Variants in PCDH15 observed in about 807,000 individuals in gnomAD.
The protein encoded by PCDH15 is protocadherin-15.
Under a neutral mutation model 178.5 loss-of-function variants are expected in PCDH15, and 129 were observed. That is an observed-to-expected ratio of 0.72 (90% confidence interval 0.63 to 0.84). The LOEUF (loss-of-function observed/expected upper bound fraction) is 0.84, where lower values mean the gene tolerates loss of function less well. Ranked by LOEUF, PCDH15 falls within the 40% of genes least tolerant of loss-of-function variation. The pLI is 0.00. For synonymous variants in PCDH15, 800 were observed against 732.0 expected (o/e 1.09, Z -1.50); for missense variants, 2,230 against 2,099.9 (o/e 1.06, Z -1.21).
At chr10:55,418,456 A>G (rs1471703577) in intron 2 of PCDH15, among the ~76,000 whole-genome samples, 2 of 151,772 alleles carry the variant, frequency 1.3e-5, no homozygotes, top group East Asian at 1.9e-4. Flanking sequence ...GGACAAAATT[A>G]TACTCTAAAA....
chr10:55,196,761 C>T (rs533434452), intron 1 of PCDH15, among the ~76,000 whole-genome samples: 3 of 152,068 alleles, frequency 2.0e-5, no homozygotes, highest in East Asian at 1.9e-4. Flanking sequence ...ATTTTCCATA[C>T]GGACGAGTTT....
chr10:55,342,100 T>C (rs1844617392), intron 2 of PCDH15, among the ~76,000 whole-genome samples: 1 of 151,514 alleles, frequency 6.6e-6, no homozygotes, highest in African/African-American at 2.4e-5. Context: ...ATGTATATTG[T>C]TAATGGCAAA....
rs1005386206 is a variant in PCDH15 at position 55,281,110 on chromosome 10, T to C, written c.-156+38489A>G. 5.9e-5 allele frequency among the ~76,000 whole-genome samples: 9 copies of C among 152,304 alleles called. 1 individual carries two copies. Among genetic ancestry groups the C allele is most frequent in the South Asian group, 4.1e-4 (2 of 4,828 alleles). On this transcript the variant is annotated intron_variant, in intron 1 of 5. Transcript: ENST00000458638. ...GCCAATAAATGTGTAAAAAATATTATTTTCCCCCTTATGTTTGTTTTCTGT... is the reference window on the plus strand; with the variant it reads ...GCCAATAAATGTGTAAAAAATATTACTTTCCCCCTTATGTTTGTTTTCTGT...
In PCDH15 at chr10:54,752,484, AAAAAAAACAAAAAACAAAAAAC is replaced by A. The variant is rs1946405740; in HGVS notation, c.-29+48419_-29+48440del. On this transcript the variant is annotated intron_variant, in intron 1 of 37. Coordinates refer to ENST00000644397, the MANE Select transcript of PCDH15 (RefSeq NM_001384140.1). ...AGAACGAGACTCCGTCTCAAAAAAA[AAAAAAAACAAAAAACAAAAAAC>A]AAAAAACAAACAAACAAACAAACAA... is the stretch of plus-strand genomic sequence containing the variant. Among the ~76,000 whole-genome samples the A allele has an allele frequency of 2.0e-5, 2 of 99,018 alleles. 1 individual carries two copies. The highest frequency in any genetic ancestry group is 6.2e-4 in the South Asian group (2 of 3,206). The allele number at this position is 99,018 out of a possible 152,430, so 65.0% of individuals were successfully genotyped here.
intron 2 of PCDH15, among the ~76,000 whole-genome samples, chr10:55,441,483 T>G (rs1416444088): frequency 1.3e-5 from 2 of 149,526 alleles, no homozygotes; most frequent in African/African-American, 2.5e-5. Flanking sequence ...AGTCACTTTT[T>G]CTAAGAAAAT....
At chr10:55,191,850 C>T (rs185300429) in intron 1 of PCDH15, among the ~76,000 whole-genome samples, 68 of 151,890 alleles carry the variant, frequency 4.5e-4, no homozygotes, top group South Asian at 3.5e-3. Context: ...GAGATTCATA[C>T]GGCACTTTTT....
At chr10:55,199,416 G>A (rs2132156659) in intron 1 of PCDH15, among the ~76,000 whole-genome samples, 1 of 152,090 alleles carries the variant, frequency 6.6e-6, no homozygotes, top group South Asian at 2.1e-4. Flanking sequence ...TCAATATGTG[G>A]CCTGGTTGCT....
At chr10:55,024,094 A>G (rs1334946037) in intron 2 of PCDH15, among the ~76,000 whole-genome samples, 1 of 143,786 alleles carries the variant, frequency 7.0e-6, no homozygotes, top group Non-Finnish European at 1.5e-5. Context: ...TATATATAGG[A>G]AGGAATATAC....
rs551046315 is a variant in PCDH15 at position 54,052,310 on chromosome 10, A to C, written c.2220+14447T>G. ...GCACTCAATGGCAGCCCATGAAAGC[A>C]GTTAGGAGGGGGGCTGTACCCGCCA... is the stretch of plus-strand genomic sequence containing the variant. On this transcript the variant is annotated intron_variant, in intron 18 of 37. Coordinates refer to ENST00000644397, the MANE Select transcript of PCDH15 (RefSeq NM_001384140.1). Among the ~76,000 whole-genome samples the C allele has an allele frequency of 2.4e-3, 363 of 152,292 alleles. 2 individuals carry two copies. The highest frequency in any genetic ancestry group is 8.5e-3 in the African/African-American group (354 of 41,570).
intron 2 of PCDH15, among the ~76,000 whole-genome samples, chr10:54,972,815 C>T (rs555312784): frequency 1.0e-4 from 14 of 138,018 alleles, no homozygotes; most frequent in South Asian, 2.3e-4. Context: ...CGCCACTGCA[C>T]TCCAGCCTAG....
chr10:55,234,403 A>G (rs1224516587), intron 1 of PCDH15, among the ~76,000 whole-genome samples: 1 of 151,774 alleles, frequency 6.6e-6, no homozygotes, highest in East Asian at 1.9e-4. Flanking sequence ...ATAAGTACAG[A>G]TTTGTCATTT....
intron 1 of PCDH15, among the ~76,000 whole-genome samples, chr10:54,760,786 C>G (rs1437023619): frequency 6.6e-6 from 1 of 152,046 alleles, no homozygotes. Flanking sequence ...TATATATTAT[C>G]TCTTTGTTAA....
Position 54,132,894 on chromosome 10 carries a change from G to C in PCDH15, c.1898C>G (p.Ala633Gly). Residue 633 changes from alanine (A) to glycine (G), a missense_variant, in exon 15 of 38, where the codon GCT becomes GGT. By Grantham distance (60) the Ala-to-Gly change is moderately conservative. Transcript: ENST00000644397. ...ACATACCTGTAGATTTAATAAAACA[G>C]CACCAACCCTCATGGCTTCACTAAT... ...LEISEAMRVG[A>G]VLLNLQATDR... 6.2e-7 allele frequency: 1 copy of C among 1,613,320 alleles called. No individual in the cohort carries two copies. The highest frequency in any genetic ancestry group is 1.3e-5 in the African/African-American group (1 of 74,890).
chr10:54,040,161 A>C (rs1462546681), intron 18 of PCDH15, among the ~76,000 whole-genome samples: 1 of 152,070 alleles, frequency 6.6e-6, no homozygotes, highest in Non-Finnish European at 1.5e-5. Flanking sequence ...AAAATATGAC[A>C]AATGATGCCA....
chr10:55,318,778 A>G (rs1843801137), intron 1 of PCDH15, among the ~76,000 whole-genome samples: 1 of 152,230 alleles, frequency 6.6e-6, no homozygotes, highest in African/African-American at 2.4e-5. Flanking sequence ...CAAGATAAAT[A>G]AAAACAAATC....
chr10:54,760,210 C>T (rs911173801), intron 1 of PCDH15, among the ~76,000 whole-genome samples: 2 of 151,838 alleles, frequency 1.3e-5, no homozygotes, highest in African/African-American at 2.4e-5. Context: ...ACAATACCTC[C>T]AACTGTTTTC....
chr10:54,838,464 G>A lies in PCDH15; in HGVS notation c.-29+58986C>T, dbSNP rs147789548. 1.5e-3 allele frequency among the ~76,000 whole-genome samples: 227 copies of A among 152,182 alleles called. 1 individual carries two copies. The East Asian group carries it at 0.021, about 14-fold the overall frequency. On this transcript the variant is annotated intron_variant, in intron 3 of 5. Coordinates refer to the PCDH15 transcript ENST00000458638. ...CTTCTGCCATGATTGTAAATTTTCT[G>A]AAGCCTCCCCAGCAATGGAGAACTG... is the stretch of plus-strand genomic sequence containing the variant.
chr10:54,713,064 G>C (rs1445917564), intron 1 of PCDH15, among the ~76,000 whole-genome samples: 1 of 151,968 alleles, frequency 6.6e-6, no homozygotes. Flanking sequence ...TAAATCACTA[G>C]CTGCAAAAGC....
At chr10:55,562,075 CTCTG>C (rs1217085716) in intron 2 of PCDH15, among the ~76,000 whole-genome samples, 2 of 151,850 alleles carry the variant, frequency 1.3e-5, no homozygotes, top group African/African-American at 2.4e-5. Flanking sequence ...ATTTTCAATT[CTCTG>C]TCTGTACACG....
Sources: gnomAD v4.1 joint callset for allele counts (sites outside exome capture counted in the v4.1 genomes callset) on GRCh38, gnomAD v4.1.1 for gene constraint, MANE v1.5 for transcripts, NCBI Gene and HGNC (gene_info 2026-07-23, HGNC 2026-07-21) for gene names.